The following NDC1 variants were observed in gnomAD, a reference collection of about 807,000 sequenced individuals.
NDC1 encodes nucleoporin NDC1.
Under a neutral mutation model 89.8 loss-of-function variants are expected in NDC1, and 24 were observed. The ratio of observed to expected loss-of-function variants is 0.27; its 90% CI spans 0.19 to 0.38. The LOEUF is 0.38. NDC1 is among the 10% of genes least tolerant of loss of function. The probability of loss-of-function intolerance (pLI) is 1.00; values close to 1 mark genes in which losing one functional copy is unlikely to be tolerated. For synonymous variants in NDC1, 296 were observed against 284.8 expected (o/e 1.04, Z -0.39); for missense variants, 728 against 797.6 (o/e 0.91, Z 1.05).
chr1:53,793,367 C>A, intron 13 of NDC1, 88 bp from the exon 14 acceptor site: 1 of 1,089,162 alleles, frequency 9.2e-7, no homozygotes, highest in Non-Finnish European at 1.4e-6. Context: ...CAGACAGTAA[C>A]TTAAATGAAA....
At chr1:53,778,899 C>T (rs772451692) in intron 16 of NDC1, among the ~76,000 whole-genome samples, 2 of 151,668 alleles carry the variant, frequency 1.3e-5, no homozygotes, top group Non-Finnish European at 1.5e-5. Flanking sequence ...CTCAACACTT[C>T]GGGAGGCCGA....
At chr1:53,769,133 G>C (rs1406254598) in intron 17 of NDC1, among the ~76,000 whole-genome samples, 1 of 152,168 alleles carries the variant, frequency 6.6e-6, no homozygotes, top group Non-Finnish European at 1.5e-5. Context: ...ACTATGCTAT[G>C]ATCTTGTCAC....
chr1:53,775,711 T>C (rs980581682), intron 16 of NDC1, among the ~76,000 whole-genome samples: 5 of 152,160 alleles, frequency 3.3e-5, no homozygotes, highest in African/African-American at 9.7e-5. Context: ...TAAAGCAAAT[T>C]TTGGTGCACA....
intron 6 of NDC1, among the ~76,000 whole-genome samples, chr1:53,810,460 A>T (rs1400901415): frequency 3.9e-5 from 6 of 152,170 alleles, no homozygotes; most frequent in Non-Finnish European, 8.8e-5. Flanking sequence ...CAAAGAAATG[A>T]AAAGTGATAA....
intron 2 of NDC1, among the ~76,000 whole-genome samples, chr1:53,834,471 C>G (rs1649165798): frequency 6.6e-6 from 1 of 152,208 alleles, no homozygotes. Flanking sequence ...CTCCAAAGGT[C>G]ATGGGTAAAG....
At chr1:53,789,542 G>A (rs1647414064) in intron 14 of NDC1, among the ~76,000 whole-genome samples, 1 of 152,224 alleles carries the variant, frequency 6.6e-6, no homozygotes, top group African/African-American at 2.4e-5. Flanking sequence ...GGGGCTGGGT[G>A]CAGTGGCTCA....
chr1:53,832,578 G>C lies in NDC1; in HGVS notation c.192C>G (p.Asp64Glu). The change falls in exon 3 of 18, where the codon GAC becomes GAG. Residue 64 changes from aspartate to glutamate, a missense_variant. Transcript: ENST00000371429. ...AAAAGATTACATAGGAACTATACAGGTCACTGAAAGAATCTAAAACACAAG... is the reference window on the plus strand; with the variant it reads ...AAAAGATTACATAGGAACTATACAGCTCACTGAAAGAATCTAAAACACAAG... Reference protein sequence around the residue: ...PIQWLSDSFSDLYSSYVIFYF... With the variant: ...PIQWLSDSFSELYSSYVIFYF... 6.4e-7 allele frequency: 1 copy of C among 1,562,094 alleles called. No individual in the cohort carries two copies. Among genetic ancestry groups the C allele is most frequent in the South Asian group, 1.1e-5 (1 of 89,268 alleles).
intron 8 of NDC1, 141 bp downstream of exon 8, chr1:53,807,515 G>T: frequency 1.8e-6 from 1 of 553,600 alleles, no homozygotes; most frequent in Non-Finnish European, 3.1e-6. Context: ...CAAATGATAT[G>T]GCCCCAAGAG....
chr1:53,794,925 T>C (rs538631653), intron 13 of NDC1, among the ~76,000 whole-genome samples: 3 of 152,110 alleles, frequency 2.0e-5, no homozygotes, highest in Non-Finnish European at 2.9e-5. Flanking sequence ...CTCCCAGCTA[T>C]TGCCCCATTT....
Position 53,767,216 on chromosome 1 carries a change from T to C in NDC1, c.*754A>G, listed in dbSNP as rs1647073137. On this transcript the variant is annotated 3_prime_UTR_variant, in exon 18 of 18. Transcript: ENST00000371429. ...TCCAGAAAAAGAAAGCAAAACTAGCTGGGAAAATACCCATACATTAATACT... is the reference window on the plus strand; with the variant it reads ...TCCAGAAAAAGAAAGCAAAACTAGCCGGGAAAATACCCATACATTAATACT... 1 of 152,172 alleles carries C rather than the reference T, an allele frequency of 6.6e-6. No homozygotes were observed. The allele number at this position is 152,172 out of a possible 1,614,324, so 9.4% of individuals were successfully genotyped here.
intron 13 of NDC1, among the ~76,000 whole-genome samples, chr1:53,794,020 T>C (rs1570181636): frequency 6.6e-6 from 1 of 151,676 alleles, no homozygotes. Context: ...CTATCACCCA[T>C]GCTGGAGTGC....
chr1:53,778,678 A>G (rs1192294304), intron 16 of NDC1, among the ~76,000 whole-genome samples: 1 of 152,236 alleles, frequency 6.6e-6, no homozygotes, highest in Non-Finnish European at 1.5e-5. Context: ...CTAAATGACA[A>G]TAGTATGTGA....
At chr1:53,790,444 C>G (rs1050367541) in intron 14 of NDC1, among the ~76,000 whole-genome samples, 5 of 151,256 alleles carry the variant, frequency 3.3e-5, no homozygotes, top group African/African-American at 9.7e-5. Flanking sequence ...CGGTGGCTCA[C>G]GCTGGTAATC....
intron 6 of NDC1, among the ~76,000 whole-genome samples, chr1:53,818,172 C>T (rs1648541749): frequency 6.6e-6 from 1 of 152,234 alleles, no homozygotes. Context: ...CGTGGTGGCT[C>T]ATGCCTGTAA....
At chr1:53,822,615 C>A (rs1039131079) in intron 5 of NDC1, among the ~76,000 whole-genome samples, 5 of 151,608 alleles carry the variant, frequency 3.3e-5, no homozygotes, top group Admixed American at 6.6e-5. Context: ...ACCAGTGGGA[C>A]AAAGATTGAG....
chr1:53,809,768 C>T (rs1430820340), intron 6 of NDC1, 22 bp from the exon 7 acceptor site: 3 of 1,602,530 alleles, frequency 1.9e-6, no homozygotes, highest in Non-Finnish European at 2.6e-6. Context: ...AAATACCAAG[C>T]TATGAACATA....
chr1:53,781,770 G>A (rs1647210190), intron 16 of NDC1, among the ~76,000 whole-genome samples: 1 of 152,112 alleles, frequency 6.6e-6, no homozygotes, highest in African/African-American at 2.4e-5. Context: ...ATATAACAGG[G>A]ATCATATGAG....
chr1:53,783,498 C>T lies in NDC1; in HGVS notation c.1800+3660G>A, dbSNP rs189121588. 7.0e-4 allele frequency among the ~76,000 whole-genome samples: 107 copies of T among 152,236 alleles called. 1 individual carries two copies. Among genetic ancestry groups the T allele is most frequent in the South Asian group, 4.1e-4 (2 of 4,820 alleles). Reference sequence around the variant, plus strand: ...CATCCAAAAATATGCCTCTTTGCCTCGTTCTACTCTGCCCCTCGAAAGTAT... The same window carrying T: ...CATCCAAAAATATGCCTCTTTGCCTTGTTCTACTCTGCCCCTCGAAAGTAT... On this transcript the variant is annotated intron_variant, in intron 16 of 17. Coordinates refer to ENST00000371429, the MANE Select transcript of NDC1 (RefSeq NM_018087.5).
chr1:53,772,209 G>T (rs1647119141), intron 17 of NDC1, 120 bp downstream of exon 17: 1 of 857,110 alleles, frequency 1.2e-6, no homozygotes, highest in Non-Finnish European at 1.8e-6. Flanking sequence ...AGTTTACAGT[G>T]AGAATCATCA....
Sources: gnomAD v4.1 joint callset for allele counts (sites outside exome capture counted in the v4.1 genomes callset) on GRCh38, gnomAD v4.1.1 for gene constraint, MANE v1.5 for transcripts, NCBI Gene and HGNC (gene_info 2026-07-23, HGNC 2026-07-21) for gene names.